Variants in RNF19A observed in about 807,000 individuals in gnomAD.
RNF19A encodes the protein ring finger protein 19A, RBR E3 ubiquitin protein ligase.
RNF19A carries 32 observed loss-of-function variants against 75.7 expected under a neutral mutation model. The ratio of observed to expected loss-of-function variants is 0.42; its 90% confidence interval spans 0.32 to 0.57. The LOEUF (loss-of-function observed/expected upper bound fraction) is 0.57, where lower values mean the gene tolerates loss of function less well. Ranked by LOEUF, RNF19A falls within the 20% of genes least tolerant of loss-of-function variation. The pLI is 0.10. For missense variants in RNF19A, 782 were observed against 1,036.3 expected (o/e 0.75, Z 3.37); for synonymous variants, 335 against 345.2 (o/e 0.97, Z 0.33).
At chr8:100,280,608 A>G (rs1820737780) in intron 2 of RNF19A, among the ~76,000 whole-genome samples, 1 of 152,218 alleles carries the variant, frequency 6.6e-6, no homozygotes, top group South Asian at 2.1e-4. Context: ...AATACTGACC[A>G]AATGTTTTCA....
chr8:100,328,235 C>A (rs1822564182), intron 1 of RNF19A, among the ~76,000 whole-genome samples: 1 of 152,202 alleles, frequency 6.6e-6, no homozygotes, highest in Admixed American at 6.5e-5. Context: ...GTAATTGGCA[C>A]TTTCCCAGAC....
At chr8:100,270,070 C>T in intron 3 of RNF19A, 57 bp from the exon 4 acceptor site, 1 of 1,388,076 alleles carries the variant, frequency 7.2e-7, no homozygotes, top group Non-Finnish European at 9.5e-7. Flanking sequence ...AAAATAACTT[C>T]TAGCAGTTTA....
intron 3 of RNF19A, 72 bp from the exon 4 acceptor site, chr8:100,270,085 T>C (rs894828141): frequency 1.4e-5 from 17 of 1,258,706 alleles, no homozygotes; most frequent in South Asian, 1.2e-4. Flanking sequence ...AGTTTACCAA[T>C]TGTAGCACTG....
At chr8:100,285,709 T>G (rs1376673521) in intron 2 of RNF19A, among the ~76,000 whole-genome samples, 1 of 152,014 alleles carries the variant, frequency 6.6e-6, no homozygotes, top group Non-Finnish European at 1.5e-5. Flanking sequence ...CACGGCTCAC[T>G]GCAGCCTCGA....
At chr8:100,263,916 T>C (rs761688747) in intron 7 of RNF19A, 118 bp downstream of exon 7, 33 of 757,066 alleles carry the variant, frequency 4.4e-5, no homozygotes, top group Admixed American at 7.7e-5. Flanking sequence ...TCTGAATGAA[T>C]ACTATTAGGC....
intron 3 of RNF19A, among the ~76,000 whole-genome samples, chr8:100,270,514 CT>C (rs1342178827): frequency 8.5e-5 from 13 of 152,092 alleles, no homozygotes; most frequent in Non-Finnish European, 1.8e-4. Context: ...GAATTTATTT[CT>C]TCTAATTACA....
At chr8:100,279,808 T>G (rs1456032845) in intron 2 of RNF19A, among the ~76,000 whole-genome samples, 1 of 152,110 alleles carries the variant, frequency 6.6e-6, no homozygotes, top group Non-Finnish European at 1.5e-5. Flanking sequence ...ATTACAAGTG[T>G]GAGCCACCAC....
At position 100,324,346 on chromosome 8, in the gene RNF19A, G is replaced by A. The variant is rs537551595; in HGVS notation, c.-242-10974C>T. Among the ~76,000 whole-genome samples, 4 of 152,284 alleles carry A rather than the reference G, an allele frequency of 2.6e-5. No individual in the cohort carries two copies. The South Asian group carries it at 8.3e-4, about 32-fold the overall frequency. ...GCAGCACAATCAAGTTCAAGAGTTTGGATGACTAAAGTTGATGATTAATCA... is the reference window on the plus strand; with the variant it reads ...GCAGCACAATCAAGTTCAAGAGTTTAGATGACTAAAGTTGATGATTAATCA... On this transcript the variant is annotated intron_variant, in intron 1 of 3. Coordinates refer to the RNF19A transcript ENST00000519527. The surrounding 1 kb of genome is among the most constrained non-coding windows in gnomAD (Gnocchi z 4.2).
intron 3 of RNF19A, 148 bp downstream of exon 3, chr8:100,274,805 T>C (rs1820423872): frequency 1.1e-5 from 7 of 629,894 alleles, no homozygotes; most frequent in African/African-American, 1.8e-5. Flanking sequence ...CTTTCTTCCA[T>C]AGGAAAGAAT....
At position 100,333,896 on chromosome 8, in the gene RNF19A, C is replaced by T. The variant is rs898068149; in HGVS notation, c.-243+2212G>A. Among the ~76,000 whole-genome samples, 1 of 152,202 alleles carries T rather than the reference C, an allele frequency of 6.6e-6. No individual in the cohort carries two copies. Among genetic ancestry groups the T allele is most frequent in the African/African-American group, 2.4e-5 (1 of 41,438 alleles). Reference sequence around the variant, plus strand: ...CATAATGACTCCCTGTTCCCTACAGCATGATGTTTAAATTATTCAGTCTAG... The same window carrying T: ...CATAATGACTCCCTGTTCCCTACAGTATGATGTTTAAATTATTCAGTCTAG... On this transcript the variant is annotated intron_variant, in intron 1 of 3. Transcript: ENST00000519527. This position sits in a 1 kb window ranked among gnomAD's most constrained non-coding sequence, Gnocchi z 4.7.
At chr8:100,266,566 A>T (rs185002377) in intron 5 of RNF19A, among the ~76,000 whole-genome samples, 1 of 152,296 alleles carries the variant, frequency 6.6e-6, no homozygotes, top group African/African-American at 2.4e-5. Context: ...ACTAGAGTGC[A>T]GTGGCACGAT....
At chr8:100,274,137 A>C (rs937019634) in intron 3 of RNF19A, among the ~76,000 whole-genome samples, 7 of 152,146 alleles carry the variant, frequency 4.6e-5, no homozygotes, top group Admixed American at 4.6e-4. Flanking sequence ...TTGCTCACGG[A>C]GTAAGTAGAG....
At position 100,323,364 on chromosome 8, in the gene RNF19A, G is replaced by A. The variant is rs1442377187; in HGVS notation, c.-242-9992C>T. On this transcript the variant is annotated intron_variant, in intron 1 of 3. Transcript: ENST00000519527. This position sits in a 1 kb window ranked among gnomAD's most constrained non-coding sequence, Gnocchi z 4.6. ...ACATTGTATTTAATTCATATTCTTG[G>A]CAGAATCTCAGCACTGAAACAGTAA... Among the ~76,000 whole-genome samples the A allele has an allele frequency of 6.6e-6, 1 of 151,932 alleles. No individual in the cohort carries two copies. Among genetic ancestry groups the A allele is most frequent in the Non-Finnish European group, 1.5e-5 (1 of 67,984 alleles).
chr8:100,258,340 A>T lies in RNF19A; in HGVS notation c.*216T>A, dbSNP rs1035429516. ...ACATGCTTTGCTCTTCAAATTTATT[A>T]TCCTTAAAATAATGCACTTTTAAAG... is the stretch of plus-strand genomic sequence containing the variant. On this transcript the variant is annotated 3_prime_UTR_variant, in exon 10 of 10. Coordinates refer to ENST00000341084, the MANE Select transcript of RNF19A (RefSeq NM_183419.4). This position sits in a 1 kb window ranked among gnomAD's most constrained non-coding sequence, Gnocchi z 4.3. 26 of 461,986 alleles carry T rather than the reference A, an allele frequency of 5.6e-5. No individual in the cohort carries two copies. In the East Asian group the frequency reaches 8.2e-4, roughly 15 times the overall value. The allele number at this position is 461,986 out of a possible 1,614,324, so 28.6% of individuals were successfully genotyped here.
In RNF19A at chr8:100,260,157, C is replaced by T. The variant is rs1819646561; in HGVS notation, c.1683-160G>A. 6.3e-6 allele frequency: 4 copies of T among 632,984 alleles called. No homozygotes were observed. The highest frequency in any genetic ancestry group is 8.0e-6 in the Non-Finnish European group (3 of 374,110). The allele number at this position is 632,984 out of a possible 1,614,324, so 39.2% of individuals were successfully genotyped here. On this transcript the variant is annotated intron_variant, in intron 8 of 9. Transcript: ENST00000341084. This position sits in a 1 kb window ranked among gnomAD's most constrained non-coding sequence, Gnocchi z 4.1. ...ATTTAATTTAAATTCTACTGCAGCACACTGCATAGTACCAGCCATCCAAAT... is the reference window on the plus strand; with the variant it reads ...ATTTAATTTAAATTCTACTGCAGCATACTGCATAGTACCAGCCATCCAAAT...
At chr8:100,272,217 C>G (rs1001956960) in intron 3 of RNF19A, among the ~76,000 whole-genome samples, 1 of 151,988 alleles carries the variant, frequency 6.6e-6, no homozygotes, top group Non-Finnish European at 1.5e-5. Context: ...CCTAAACCTC[C>G]TAGTAGCTAT....
In RNF19A at chr8:100,259,032, T is replaced by C; in HGVS notation, c.2041A>G (p.Lys681Glu). The C allele has an allele frequency of 6.2e-7, 1 of 1,614,180 alleles. No homozygotes were observed. The highest frequency in any genetic ancestry group is 1.3e-5 in the African/African-American group (1 of 75,050). Residue 681 changes from lysine to glutamate, a missense_variant, in exon 10 of 10, where the codon AAG (lysine) becomes GAG (glutamate). This residue lies in a region of RNF19A where 442 missense variants were observed against 541.6 expected (regional missense o/e 0.82). Coordinates refer to ENST00000341084, the MANE Select transcript of RNF19A (RefSeq NM_183419.4). The surrounding 1 kb of genome is among the most constrained non-coding windows in gnomAD (Gnocchi z 4.5). The part of the protein sequence containing the change: ...KKSKSGKLRK[K>E]GNMKINETRE... The stretch of plus-strand genomic sequence containing the variant: ...GTCTCATTTATCTTCATGTTACCCT[T>C]TTTCCTCAGTTTACCACTTTTTGAT...
At chr8:100,310,364 G>A (rs1431773366), upstream of RNF19A, 4 of 511,910 alleles carry the variant, frequency 7.8e-6, no homozygotes, top group Non-Finnish European at 1.0e-5. Context: ...CGCCTCGAGC[G>A]CGCCGGGCAG....
Position 100,317,476 on chromosome 8 carries a change from C to CAA in RNF19A, c.-242-4106_-242-4105dup, listed in dbSNP as rs1277620906. On this transcript the variant is annotated intron_variant, in intron 1 of 3. Coordinates refer to the RNF19A transcript ENST00000519527. The surrounding 1 kb of genome is among the most constrained non-coding windows in gnomAD (Gnocchi z 4.3). Reference sequence around the variant, plus strand: ...TTTCTTCCTCTTCATGGGACCCATGCAATTACTTAGAATCTTCTTTATTTC... The same window carrying CAA: ...TTTCTTCCTCTTCATGGGACCCATGCAAAATTACTTAGAATCTTCTTTATTTC... Among the ~76,000 whole-genome samples, 1 of 152,238 alleles carries CAA rather than the reference C, an allele frequency of 6.6e-6. No homozygotes were observed. Among genetic ancestry groups the CAA allele is most frequent in the Non-Finnish European group, 1.5e-5 (1 of 68,040 alleles).
Sources: allele counts gnomAD v4.1 joint callset (sites outside exome capture counted in the v4.1 genomes callset), GRCh38; gene constraint gnomAD v4.1.1; regional missense constraint gnomAD v4.1.1; non-coding constraint Gnocchi (gnomAD v3.1); transcripts MANE v1.5; gene names NCBI Gene and HGNC (gene_info 2026-07-23, HGNC 2026-07-21).